The following PDE4B variants were observed in gnomAD, a reference collection of about 807,000 sequenced individuals.
PDE4B encodes the protein 3',5'-cyclic-AMP phosphodiesterase 4B.
PDE4B carries 20 observed loss-of-function variants against 82.2 expected under a neutral mutation model. The observed-to-expected ratio is 0.24, with a 90% CI of 0.17 to 0.35. The LOEUF (loss-of-function observed/expected upper bound fraction) is 0.35. Among genes scored for constraint, PDE4B ranks in the 10% least tolerant of loss-of-function variants. PDE4B has a pLI of 1.00. For missense variants in PDE4B, 655 were observed against 907.2 expected, an observed-to-expected ratio of 0.72 and a Z score of 3.57; for synonymous variants, 320 against 318.9, an observed-to-expected ratio of 1.00 and a Z score of -0.04.
At chr1:65,806,035 A>G (rs1042657237) in intron 1 of PDE4B, among the ~76,000 whole-genome samples, 8 of 152,020 alleles carry the variant, frequency 5.3e-5, no homozygotes, top group Admixed American at 3.3e-4. Flanking sequence ...TCTATTATCA[A>G]TTTTATTAAT....
Position 66,217,602 on chromosome 1 carries a change from G to A in PDE4B, c.282-29858G>A, listed in dbSNP as rs140649180. ...ACAAAGATGGAAAATGGATTGGAGGGTGGGGATAGGGAGAGGCAAATGGAG... is the reference window on the plus strand; with the variant it reads ...ACAAAGATGGAAAATGGATTGGAGGATGGGGATAGGGAGAGGCAAATGGAG... On this transcript the variant is annotated intron_variant, in intron 3 of 16. Transcript: ENST00000341517. Among the ~76,000 whole-genome samples, 593 of 152,242 alleles carry A rather than the reference G, an allele frequency of 3.9e-3. 5 individuals carry two copies. Among genetic ancestry groups the A allele is most frequent in the African/African-American group, 0.014 (583 of 41,542 alleles).
In PDE4B at chr1:66,370,268, A is replaced by G. The variant is rs780979716; in HGVS notation, c.1845+1299A>G. On this transcript the variant is annotated intron_variant, in intron 16 of 16. Transcript: ENST00000341517. ...ATGAGGGTTAATTCGAATAGCCCAA[A>G]GGCTTAAGTGGAACAAGATATGAAT... 7.2e-4 allele frequency among the ~76,000 whole-genome samples: 109 copies of G among 152,272 alleles called. 2 individuals carry two copies. The highest frequency in any genetic ancestry group is 1.1e-3 in the Non-Finnish European group (73 of 68,024).
chr1:65,865,490 C>T (rs1360044338), intron 1 of PDE4B, among the ~76,000 whole-genome samples: 1 of 152,140 alleles, frequency 6.6e-6, no homozygotes, highest in East Asian at 1.9e-4. Context: ...CAAACAGCTG[C>T]CCAGTTTTTT....
chr1:66,334,510 TG>T (rs1435303829), intron 8 of PDE4B, among the ~76,000 whole-genome samples: 1 of 152,166 alleles, frequency 6.6e-6, no homozygotes, highest in Non-Finnish European at 1.5e-5. Context: ...TCCTCCTTTA[TG>T]GTGTTGTGTG....
rs888179137 is a variant in PDE4B at position 65,913,293 on chromosome 1, G to A, written c.-22G>A. The A allele has an allele frequency of 6.2e-7, 1 of 1,609,850 alleles. No individual in the cohort carries two copies. Among genetic ancestry groups the A allele is most frequent in the Non-Finnish European group, 8.5e-7 (1 of 1,176,290 alleles). On this transcript the variant is annotated 5_prime_UTR_variant, in exon 2 of 17. Coordinates refer to ENST00000341517, the MANE Select transcript of PDE4B (RefSeq NM_002600.4). ...GCATTGAATAACAGACATCCTAAGAGGGGATATTTTCCACCTCTATAATGA... is the reference window on the plus strand; with the variant it reads ...GCATTGAATAACAGACATCCTAAGAAGGGATATTTTCCACCTCTATAATGA...
intron 7 of PDE4B, among the ~76,000 whole-genome samples, chr1:66,309,956 T>A (rs1658552308): frequency 6.6e-6 from 1 of 152,082 alleles, no homozygotes; most frequent in Non-Finnish European, 1.5e-5. Flanking sequence ...GCTCTCCCAC[T>A]GTTTTGTTAC....
chr1:65,907,793 A>G (rs1216941694), intron 1 of PDE4B, among the ~76,000 whole-genome samples: 1 of 152,190 alleles, frequency 6.6e-6, no homozygotes, highest in East Asian at 1.9e-4. Flanking sequence ...TCATTATATT[A>G]TTGTCATTTC....
At chr1:66,301,935 T>C (rs1366648641) in intron 7 of PDE4B, among the ~76,000 whole-genome samples, 1 of 152,198 alleles carries the variant, frequency 6.6e-6, no homozygotes, top group African/African-American at 2.4e-5. Flanking sequence ...TTCCTAAATC[T>C]TGGAGCTTAC....
At chr1:65,935,306 G>C (rs1648064698) in intron 3 of PDE4B, among the ~76,000 whole-genome samples, 1 of 147,786 alleles carries the variant, frequency 6.8e-6, no homozygotes, top group Non-Finnish European at 1.5e-5. Context: ...AAAGAAATTA[G>C]AAAATATTGA....
intron 3 of PDE4B, among the ~76,000 whole-genome samples, chr1:66,140,797 T>C (rs1422850356): frequency 1.3e-5 from 2 of 152,082 alleles, no homozygotes; most frequent in African/African-American, 4.8e-5. Context: ...TTGGGAGGAG[T>C]AGGCGTTTCA....
chr1:65,903,243 C>A (rs999916609), intron 1 of PDE4B, among the ~76,000 whole-genome samples: 14 of 152,068 alleles, frequency 9.2e-5, no homozygotes, highest in African/African-American at 3.4e-4. Context: ...TCTCTTTGTC[C>A]TCTAATATTT....
intron 7 of PDE4B, among the ~76,000 whole-genome samples, chr1:66,289,321 A>C (rs1358066947): frequency 6.6e-6 from 1 of 152,148 alleles, no homozygotes; most frequent in Non-Finnish European, 1.5e-5. Context: ...CAGGAGGGAG[A>C]GACAGACTAT....
intron 4 of PDE4B, among the ~76,000 whole-genome samples, chr1:66,251,878 T>G (rs911870055): frequency 2.6e-5 from 4 of 152,196 alleles, no homozygotes; most frequent in Non-Finnish European, 4.4e-5. Context: ...GAATTGGCCT[T>G]TATGTTGCAA....
At chr1:66,065,988 A>G (rs973562391) in intron 3 of PDE4B, among the ~76,000 whole-genome samples, 1 of 151,818 alleles carries the variant, frequency 6.6e-6, no homozygotes, top group African/African-American at 2.4e-5. Context: ...ATGTGTTAGT[A>G]GTAGGTTTTA....
At chr1:66,366,198 G>A (rs1386576401) in intron 13 of PDE4B, among the ~76,000 whole-genome samples, 2 of 152,040 alleles carry the variant, frequency 1.3e-5, no homozygotes, top group Non-Finnish European at 1.5e-5. Flanking sequence ...GAACCTCCAG[G>A]TAAAAATAAG....
intron 1 of PDE4B, among the ~76,000 whole-genome samples, chr1:65,857,321 C>A (rs1646404516): frequency 6.6e-6 from 1 of 152,188 alleles, no homozygotes; most frequent in African/African-American, 2.4e-5. Flanking sequence ...TCATTGCATT[C>A]CAGGCATAGT....
At chr1:65,813,686 C>T (rs1478806001) in intron 1 of PDE4B, among the ~76,000 whole-genome samples, 1 of 151,828 alleles carries the variant, frequency 6.6e-6, no homozygotes, top group African/African-American at 2.4e-5. Context: ...TAAATTAAGA[C>T]CTTAATGGCA....
At chr1:66,268,194 G>C (rs903270978) in intron 7 of PDE4B, among the ~76,000 whole-genome samples, 10 of 152,186 alleles carry the variant, frequency 6.6e-5, no homozygotes, top group African/African-American at 2.4e-4. Flanking sequence ...AATTCAGAGA[G>C]AGAGAGAGAA....
At chr1:65,815,580 T>A (rs903069840) in intron 1 of PDE4B, among the ~76,000 whole-genome samples, 2 of 152,194 alleles carry the variant, frequency 1.3e-5, no homozygotes, top group African/African-American at 4.8e-5. Context: ...AACTTTTCTG[T>A]AAATTTAAAA....
Sources: allele counts gnomAD v4.1 joint callset (sites outside exome capture counted in the v4.1 genomes callset), GRCh38; gene constraint gnomAD v4.1.1; transcripts MANE v1.5; gene names NCBI Gene and HGNC (gene_info 2026-07-23, HGNC 2026-07-21).